Variants in CSGALNACT1 observed in about 807,000 individuals in gnomAD.
CSGALNACT1 encodes the protein chondroitin sulfate N-acetylgalactosaminyltransferase 1, also known as beta4GalNAcT-1.
CSGALNACT1 carries 52 observed loss-of-function variants against 51.0 expected under a neutral mutation model. The ratio of observed to expected loss-of-function variants is 1.02; its 90% confidence interval spans 0.82 to 1.29. The LOEUF (loss-of-function observed/expected upper bound fraction) is 1.29. CSGALNACT1 is among the 50% of genes most tolerant of loss of function. The probability of loss-of-function intolerance (pLI) is 0.00; values close to 1 mark genes in which losing one functional copy is unlikely to be tolerated. For missense variants in CSGALNACT1, 935 were observed against 679.2 expected, an observed-to-expected ratio of 1.38 and a Z score of -4.19; for synonymous variants, 341 against 254.4, an observed-to-expected ratio of 1.34 and a Z score of -3.24.
intron 1 of CSGALNACT1, among the ~76,000 whole-genome samples, chr8:19,660,893 C>G (rs1270507617): frequency 1.3e-5 from 2 of 151,956 alleles, no homozygotes; most frequent in African/African-American, 4.8e-5. Context: ...GGCACAAGGA[C>G]CGTTCAGGTT....
rs1035553973 is a variant in CSGALNACT1, at chr8:19,492,945, C to T, written c.634+12256G>A. 4.0e-5 allele frequency among the ~76,000 whole-genome samples: 6 copies of T among 151,756 alleles called. No homozygotes were observed. The East Asian group carries it at 1.2e-3, about 29-fold the overall frequency. ...TAGTTTGTGCCCTGCCTCGCCTGTC[C>T]AGTGTATGGCATATTTGTGTCTTCC... On this transcript the variant is annotated intron_variant, in intron 4 of 9. Transcript: ENST00000454498.
intron 1 of CSGALNACT1, among the ~76,000 whole-genome samples, chr8:19,692,111 A>G (rs2061359676): frequency 6.6e-6 from 1 of 152,094 alleles, no homozygotes; most frequent in African/African-American, 2.4e-5. Flanking sequence ...CTGAGAACTC[A>G]CTCACTATCA....
chr8:19,544,121 G>T (rs549828566), intron 3 of CSGALNACT1, among the ~76,000 whole-genome samples: 66 of 151,278 alleles, frequency 4.4e-4, no homozygotes, highest in African/African-American at 1.2e-3. Flanking sequence ...TTTAGTTTAT[G>T]GGAAAAGAAT....
At chr8:19,686,985 A>G (rs1182013100), upstream of CSGALNACT1, among the ~76,000 whole-genome samples, 1 of 152,176 alleles carries the variant, frequency 6.6e-6, no homozygotes. Flanking sequence ...AATCATACAC[A>G]ATATAGATGC....
intron 3 of CSGALNACT1, among the ~76,000 whole-genome samples, chr8:19,546,814 T>C (rs1204086828): frequency 1.3e-5 from 2 of 152,228 alleles, no homozygotes; most frequent in Non-Finnish European, 2.9e-5. Context: ...TTTACAGAGT[T>C]TGAATCTAGA....
In CSGALNACT1 at chr8:19,571,480, A is replaced by C. The variant is rs867301002; in HGVS notation, c.-297+19680T>G. Among the ~76,000 whole-genome samples the C allele has an allele frequency of 8.6e-3, 1,307 of 152,188 alleles. 18 individuals are homozygous for C. The highest frequency in any genetic ancestry group is 0.029 in the African/African-American group (1,219 of 41,500). ...CCAAAACAAAAACAAAAACAAAAAA[A>C]AAAAACAGAACCAGGGAAAGAGTCG... On this transcript the variant is annotated intron_variant, in intron 3 of 9. Transcript: ENST00000454498.
upstream of CSGALNACT1, among the ~76,000 whole-genome samples, chr8:19,605,156 G>A (rs11990126): frequency 0.037 from 5,652 of 152,238 alleles, 355 homozygotes; most frequent in African/African-American, 0.13. Flanking sequence ...CCAGGAAAGC[G>A]ACTGCAGTTA....
At chr8:19,597,136 C>G (rs1269905838) in intron 2 of CSGALNACT1, among the ~76,000 whole-genome samples, 2 of 152,152 alleles carry the variant, frequency 1.3e-5, no homozygotes, top group Non-Finnish European at 2.9e-5. Flanking sequence ...AGCATCATGT[C>G]TCAAACTGCA....
At chr8:19,578,133 G>A (rs1453228887) in intron 3 of CSGALNACT1, among the ~76,000 whole-genome samples, 1 of 152,190 alleles carries the variant, frequency 6.6e-6, no homozygotes, top group African/African-American at 2.4e-5. Flanking sequence ...TCGTCCCTGA[G>A]GCATAAGGTA....
chr8:19,700,484 T>C (rs182361051), intron 1 of CSGALNACT1, among the ~76,000 whole-genome samples: 33 of 152,304 alleles, frequency 2.2e-4, no homozygotes, highest in African/African-American at 7.7e-4. Flanking sequence ...AAAGTAGTTA[T>C]GGGTGAAAAT....
chr8:19,486,330 G>A (rs1468358182), intron 4 of CSGALNACT1, among the ~76,000 whole-genome samples: 2 of 152,100 alleles, frequency 1.3e-5, no homozygotes. Context: ...TGGTCTCTGA[G>A]CTTCTGCCCT....
intron 3 of CSGALNACT1, among the ~76,000 whole-genome samples, chr8:19,520,566 G>A (rs1415609471): frequency 6.6e-6 from 1 of 152,210 alleles, no homozygotes; most frequent in Non-Finnish European, 1.5e-5. Context: ...TTTCATGCCT[G>A]TAAAGAAATG....
At chr8:19,536,248 A>G (rs2083709312) in intron 3 of CSGALNACT1, among the ~76,000 whole-genome samples, 1 of 152,196 alleles carries the variant, frequency 6.6e-6, no homozygotes, top group Non-Finnish European at 1.5e-5. Flanking sequence ...AATGTTGTTA[A>G]CAGGGGAGGC....
intron 4 of CSGALNACT1, among the ~76,000 whole-genome samples, chr8:19,464,027 C>T (rs1192585941): frequency 1.3e-5 from 2 of 152,208 alleles, no homozygotes; most frequent in Non-Finnish European, 2.9e-5. Context: ...GACTCAGATT[C>T]CCCGCCCCCA....
intron 3 of CSGALNACT1, among the ~76,000 whole-genome samples, chr8:19,575,187 C>G (rs182353619): frequency 3.1e-3 from 472 of 152,308 alleles, no homozygotes; most frequent in African/African-American, 0.011. Context: ...TACACCTCTC[C>G]TCTATAACCA....
chr8:19,424,139 C>A (rs2058405701), intron 6 of CSGALNACT1, among the ~76,000 whole-genome samples: 1 of 152,162 alleles, frequency 6.6e-6, no homozygotes, highest in Admixed American at 6.5e-5. Flanking sequence ...CCTGACCACT[C>A]ACCAGGTCCT....
At chr8:19,738,137 G>A (rs2064098694) in intron 1 of CSGALNACT1, among the ~76,000 whole-genome samples, 1 of 152,180 alleles carries the variant, frequency 6.6e-6, no homozygotes, top group Admixed American at 6.5e-5. Flanking sequence ...TGAAGCAAGA[G>A]GATCACTTGA....
chr8:19,452,234 T>G (rs1437626886), intron 5 of CSGALNACT1, among the ~76,000 whole-genome samples: 1 of 152,114 alleles, frequency 6.6e-6, no homozygotes, highest in Non-Finnish European at 1.5e-5. Flanking sequence ...AGACACAGAT[T>G]CAGGTGAGAG....
chr8:19,579,675 C>T (rs756307067), intron 3 of CSGALNACT1, among the ~76,000 whole-genome samples: 1 of 152,180 alleles, frequency 6.6e-6, no homozygotes, highest in Non-Finnish European at 1.5e-5. Context: ...ATGTTCAACA[C>T]TGAATAAACA....
Sources: gnomAD v4.1 joint callset for allele counts (sites outside exome capture counted in the v4.1 genomes callset) on GRCh38, gnomAD v4.1.1 for gene constraint, MANE v1.5 for transcripts, NCBI Gene and HGNC (gene_info 2026-07-23, HGNC 2026-07-21) for gene names.